Variants in ZNF664 observed in about 807,000 individuals in gnomAD.
The protein encoded by ZNF664 is zinc finger protein 664, also known as zinc finger Organ of Corti 1.
A neutral mutation model predicts 18.2 loss-of-function variants in ZNF664; 10 were observed. The ratio of observed to expected loss-of-function variants is 0.55; its 90% CI spans 0.34 to 0.93. The LOEUF is 0.93. ZNF664 is among the 40% of genes least tolerant of loss of function. ZNF664 has a pLI of 0.02. For missense variants in ZNF664, 193 were observed against 319.0 expected (o/e 0.61, Z 3.01); for synonymous variants, 119 against 104.2 (o/e 1.14, Z -0.86).
At chr12:123,992,663 A>G (rs1245839804) in intron 3 of ZNF664, among the ~76,000 whole-genome samples, 1 of 152,182 alleles carries the variant, frequency 6.6e-6, no homozygotes, top group Non-Finnish European at 1.5e-5. Flanking sequence ...TGCTGCATGA[A>G]TGACAGCCAA....
At chr12:123,990,027 G>A (rs1350115904) in intron 3 of ZNF664, among the ~76,000 whole-genome samples, 2 of 152,136 alleles carry the variant, frequency 1.3e-5, no homozygotes, top group Admixed American at 6.5e-5. Context: ...TACATGTTAC[G>A]AATTGTGACC....
intron 3 of ZNF664, among the ~76,000 whole-genome samples, chr12:124,005,499 G>GTGTA (rs1335526908): frequency 6.9e-6 from 1 of 144,094 alleles, no homozygotes; most frequent in East Asian, 2.0e-4. Context: ...GTGTGTGTGT[G>GTGTA]TGTGTGTGTG....
intron 3 of ZNF664, chr12:124,003,397 T>C (rs1417855174): frequency 7.6e-6 from 1 of 131,692 alleles, no homozygotes; most frequent in Non-Finnish European, 1.6e-5. Context: ...TCTAATTGCA[T>C]CTTTTTTTTT....
chr12:123,994,039 A>C (rs825510), intron 3 of ZNF664, among the ~76,000 whole-genome samples: 11,905 of 152,170 alleles, frequency 0.078, 681 homozygotes, highest in Non-Finnish European at 0.11. Context: ...TCTTTGGGAG[A>C]GTTCTTTCTT....
chr12:124,013,902 G>A lies in ZNF664; in HGVS notation c.*972G>A, dbSNP rs1195343779. The stretch of plus-strand genomic sequence containing the variant: ...TAGGAGTTCTTGATACCCCTTCATT[G>A]ATTACTGTGTATCAGTTCTTTGTTA... On this transcript the variant is annotated 3_prime_UTR_variant, in exon 5 of 5. Coordinates refer to ENST00000337815, the MANE Select transcript of ZNF664 (RefSeq NM_152437.3). 1 of 167,066 alleles carries A rather than the reference G, an allele frequency of 6.0e-6. No homozygotes were observed. The highest frequency in any genetic ancestry group is 1.5e-5 in the Non-Finnish European group (1 of 68,122). 10.3% of individuals were successfully genotyped at this position (167,066 alleles called of 1,614,324 possible). A position where few individuals can be genotyped will look rare whatever the true frequency, so the allele number is the denominator to read the frequency against.
intron 3 of ZNF664, among the ~76,000 whole-genome samples, chr12:123,994,756 G>A (rs1333909313): frequency 2.0e-5 from 3 of 152,158 alleles, no homozygotes; most frequent in African/African-American, 4.8e-5. Context: ...TGAACTTTTC[G>A]TACTCTGGTA....
chr12:123,985,374 T>C (rs1390852461), intron 2 of ZNF664, among the ~76,000 whole-genome samples: 1 of 152,242 alleles, frequency 6.6e-6, no homozygotes, highest in African/African-American at 2.4e-5. Context: ...TGTCTAGGTC[T>C]ATTCATGACA....
At chr12:123,999,447 C>T (rs1956986733) in intron 3 of ZNF664, among the ~76,000 whole-genome samples, 2 of 152,176 alleles carry the variant, frequency 1.3e-5, no homozygotes, top group South Asian at 4.1e-4. Context: ...AAGACCTGTA[C>T]TCATAATACT....
intron 2 of ZNF664, among the ~76,000 whole-genome samples, chr12:123,979,157 C>G (rs1019599656): frequency 5.9e-5 from 9 of 152,186 alleles, no homozygotes; most frequent in Non-Finnish European, 1.2e-4. Context: ...TGACTATAAT[C>G]ACAGTTGATA....
At chr12:123,982,232 G>A (rs76283024) in intron 2 of ZNF664, among the ~76,000 whole-genome samples, 1 of 152,008 alleles carries the variant, frequency 6.6e-6, no homozygotes, top group Admixed American at 6.6e-5. Flanking sequence ...TGGAGCATGG[G>A]TACCTTGAAG....
chr12:123,987,980 A>G, intron 2 of ZNF664, 63 bp from the exon 3 acceptor site: 1 of 1,230,584 alleles, frequency 8.1e-7, no homozygotes, highest in Non-Finnish European at 1.0e-6. Flanking sequence ...TCATGAAAAC[A>G]TTTTGTGATC....
In ZNF664 at chr12:124,011,443, T is replaced by C; in HGVS notation, c.-600+2T>C. The C allele has an allele frequency of 1.2e-6, 1 of 802,166 alleles. No homozygotes were observed. Among genetic ancestry groups the C allele is most frequent in the Non-Finnish European group, 1.5e-6 (1 of 664,156 alleles). 49.7% of individuals were successfully genotyped at this position (802,166 alleles called of 1,614,324 possible). ...AGAGCTTCTTCAAGACCAAAAAAGG[T>C]TTGTGTTACTGCTGTCACATTTATA... On this transcript the variant is annotated splice_donor_variant, in intron 4 of 4. Transcript: ENST00000337815. LOFTEE classifies it low-confidence loss of function (5UTR_SPLICE).
At chr12:123,983,905 G>A (rs899016053) in intron 2 of ZNF664, among the ~76,000 whole-genome samples, 1 of 152,180 alleles carries the variant, frequency 6.6e-6, no homozygotes, top group Non-Finnish European at 1.5e-5. Flanking sequence ...GTTAGAATCA[G>A]AGAACCTGCA....
intron 2 of ZNF664, among the ~76,000 whole-genome samples, chr12:123,987,064 AT>A (rs1651771657): frequency 6.6e-6 from 1 of 152,178 alleles, no homozygotes; most frequent in South Asian, 2.1e-4. Flanking sequence ...AATGTTAGTG[AT>A]TTCTGCTGAA....
At position 124,011,585 on chromosome 12, in the gene ZNF664, G is replaced by A; in HGVS notation, c.-560G>A. The A allele has an allele frequency of 6.1e-6, 6 of 988,890 alleles. No individual in the cohort carries two copies. The highest frequency in any genetic ancestry group is 6.0e-6 in the Non-Finnish European group (5 of 832,718). The allele number at this position is 988,890 out of a possible 1,614,324, so 61.3% of individuals were successfully genotyped here. A position where few individuals can be genotyped will look rare whatever the true frequency, so the allele number is the denominator to read the frequency against. ...CCCATGTAGGGAATTCCCCAAAGCAGGGCTTGCCATACCTGGACCCCGAGG... is the reference window on the plus strand; with the variant it reads ...CCCATGTAGGGAATTCCCCAAAGCAAGGCTTGCCATACCTGGACCCCGAGG... On this transcript the variant is annotated 5_prime_UTR_variant, in exon 5 of 5. Transcript: ENST00000337815.
In ZNF664 at chr12:124,012,230, A is replaced by G. The variant is rs1271986369; in HGVS notation, c.86A>G (p.Lys29Arg). Residue 29 changes from lysine to arginine, a missense_variant, in exon 5 of 5, where the codon AAG becomes AGG. This residue lies in a region of ZNF664 where 90 missense variants were observed against 118.9 expected (regional missense o/e 0.76). Coordinates refer to ENST00000337815, the MANE Select transcript of ZNF664 (RefSeq NM_152437.3). ...CATCAGAAAATTCACACAGCTGAGA[A>G]GCCCCATAAATGTGACAAGTGTGAT... ...FMHQKIHTAE[K>R]PHKCDKCDKG... 3 of 1,614,086 alleles carry G rather than the reference A, an allele frequency of 1.9e-6. No individual in the cohort carries two copies. The highest frequency in any genetic ancestry group is 2.7e-5 in the African/African-American group (2 of 74,930).
intron 2 of ZNF664, among the ~76,000 whole-genome samples, chr12:123,980,810 T>C (rs1956755763): frequency 6.6e-6 from 1 of 152,174 alleles, no homozygotes; most frequent in Non-Finnish European, 1.5e-5. Context: ...TGTCGGGTGA[T>C]TTAAATAATC....
intron 3 of ZNF664, among the ~76,000 whole-genome samples, chr12:123,996,912 T>TCACCCCTTCCCCAGGCTGCCAGC (rs1956954998): frequency 6.6e-6 from 1 of 152,184 alleles, no homozygotes; most frequent in Non-Finnish European, 1.5e-5. Context: ...AAGCCACTGC[T>TCACCCCTTCCCCAGGCTGCCAGC]CACCCCTTCC....
intron 3 of ZNF664, among the ~76,000 whole-genome samples, chr12:123,991,158 A>G (rs1027557316): frequency 9.9e-5 from 15 of 152,196 alleles, no homozygotes; most frequent in African/African-American, 3.4e-4. Flanking sequence ...CTAGTTAGAT[A>G]AGATAAACTT....
Sources: gnomAD v4.1 joint callset for allele counts (sites outside exome capture counted in the v4.1 genomes callset) on GRCh38, gnomAD v4.1.1 for gene constraint, gnomAD v4.1.1 regional missense constraint, MANE v1.5 for transcripts, NCBI Gene and HGNC (gene_info 2026-07-23, HGNC 2026-07-21) for gene names.